The following WAS variants were observed in gnomAD, a reference collection of about 807,000 sequenced individuals.
WAS encodes the protein actin nucleation-promoting factor WAS.
A neutral mutation model predicts 38.9 loss-of-function variants in WAS; 1 was observed. The ratio of observed to expected loss-of-function variants is 0.03; its 90% CI spans 0.01 to 0.12. The LOEUF is 0.12. WAS is among the 10% of genes least tolerant of loss of function. WAS has a pLI of 1.00. For synonymous variants in WAS, 182 were observed against 173.6 expected (o/e 1.05, Z -0.38); for missense variants, 311 against 431.2 (o/e 0.72, Z 2.47).
chrX:48,688,519 A>C, intron 9 of WAS, 66 bp downstream of exon 9: 1 of 1,199,713 alleles, frequency 8.3e-7, no homozygotes, highest in East Asian at 3.0e-5. Context: ...ATACGCACTA[A>C]GTCACTCAGT....
At chrX:48,682,893 C>CA (rs782137826), upstream of WAS, among the ~76,000 whole-genome samples, 1,136 of 76,606 alleles carry the variant, frequency 0.015, 22 homozygotes, top group African/African-American at 0.05. Context: ...GACTCCATCT[C>CA]AAAAAAAAAA....
intron 6 of WAS, 84 bp downstream of exon 6, chrX:48,686,218 G>A: frequency 9.3e-7 from 1 of 1,071,467 alleles, no homozygotes; most frequent in African/African-American, 1.8e-5. Context: ...TGCGTAAGTG[G>A]GTGAATGGAT....
Position 48,685,841 on chromosome X carries a change from G to A in WAS, c.463+5G>A. 1.7e-6 allele frequency: 2 copies of A among 1,202,370 alleles called. No individual in the cohort carries two copies. The highest frequency in any genetic ancestry group is 2.2e-6 in the Non-Finnish European group (2 of 890,394). ...GGAATCAGAGGCAAAGTGGAGGTGAGGAGGCCACAGGGGAGGAAAGGAAGT... is the reference window on the plus strand; with the variant it reads ...GGAATCAGAGGCAAAGTGGAGGTGAAGAGGCCACAGGGGAGGAAAGGAAGT... On this transcript the variant is annotated splice_donor_5th_base_variant and intron_variant, in intron 4 of 11. Transcript: ENST00000376701.
chrX:48,690,549 A>C (rs2048820611), intron 11 of WAS, among the ~76,000 whole-genome samples: 1 of 105,469 alleles, frequency 9.5e-6, no homozygotes, highest in Non-Finnish European at 2.0e-5. Context: ...GTATCAACCT[A>C]CTATAGGAAC....
chrX:48,679,396 T>A (rs935463512), upstream of WAS, among the ~76,000 whole-genome samples: 1 of 112,196 alleles, frequency 8.9e-6, no homozygotes, highest in Non-Finnish European at 1.9e-5. Context: ...GTCTGCTACT[T>A]AGAAATAAGA....
In WAS at chrX:48,686,002, G is replaced by C; in HGVS notation, c.505+15G>C. ...AGCCAATGAAGGTGAGTCCTCTAGTGCAAGTAGGGGTAATAAGGGGCTAGC... is the reference window on the plus strand; with the variant it reads ...AGCCAATGAAGGTGAGTCCTCTAGTCCAAGTAGGGGTAATAAGGGGCTAGC... On this transcript the variant is annotated intron_variant, in intron 5 of 11. Transcript: ENST00000376701. 2.5e-6 allele frequency: 3 copies of C among 1,211,388 alleles called. No homozygotes were observed. The highest frequency in any genetic ancestry group is 3.4e-6 in the Non-Finnish European group (3 of 895,095).
chrX:48,678,635 C>G (rs782376598), intron 1 of WAS, among the ~76,000 whole-genome samples: 4 of 111,139 alleles, frequency 3.6e-5, no homozygotes, highest in Admixed American at 2.9e-4. Context: ...AACTGGCTTG[C>G]ATTAGACCAA....
upstream of WAS, among the ~76,000 whole-genome samples, chrX:48,682,905 G>GA (rs1192171157): frequency 1.3e-3 from 133 of 102,594 alleles, no homozygotes; most frequent in African/African-American, 2.0e-3. Context: ...AAAAAAAAAA[G>GA]AAAAAAAAAA....
chrX:48,682,541 A>G (rs1347717360), upstream of WAS, among the ~76,000 whole-genome samples: 1 of 112,470 alleles, frequency 8.9e-6, no homozygotes, highest in Non-Finnish European at 1.9e-5. Flanking sequence ...CTTCAAGTGC[A>G]ATGAAAACTA....
intron 2 of WAS, among the ~76,000 whole-genome samples, chrX:48,684,828 TTGAATATTC>T (rs2062414271): frequency 9.0e-6 from 1 of 111,701 alleles, no homozygotes; most frequent in Admixed American, 9.5e-5. Context: ...AACCCCAAAG[TTGAATATTC>T]CATTGATCCT....
intron 6 of WAS, 30 bp from the exon 7 acceptor site, chrX:48,686,751 A>C (rs2062421299): frequency 8.3e-7 from 1 of 1,207,619 alleles, no homozygotes; most frequent in Non-Finnish European, 1.1e-6. Context: ...TAAGTGGGTC[A>C]ATGAGCCAAC....
At chrX:48,678,229 C>A (rs1230470977) in intron 1 of WAS, among the ~76,000 whole-genome samples, 1 of 111,808 alleles carries the variant, frequency 8.9e-6, no homozygotes, top group African/African-American at 3.3e-5. Flanking sequence ...AACCCTCAGT[C>A]AGGGATACGG....
rs781885441 is a variant in WAS at position 48,685,722 on chromosome X, A to G, written c.361-12A>G. On this transcript the variant is annotated splice_polypyrimidine_tract_variant and intron_variant, in intron 3 of 11. Coordinates refer to ENST00000376701, the MANE Select transcript of WAS (RefSeq NM_000377.3). ...GGGACCTGGGAGGCGGCTGACCCCA[A>G]GGTATGTGCAGGACTGCCAAGCGGG... 1 of 1,174,246 alleles carries G rather than the reference A, an allele frequency of 8.5e-7. No homozygotes were observed. Among genetic ancestry groups the G allele is most frequent in the Non-Finnish European group, 1.1e-6 (1 of 876,043 alleles).
chrX:48,688,327 A>G lies in WAS; in HGVS notation c.805A>G (p.Ser269Gly). Residue 269 changes from serine (S) to glycine (G), a missense_variant, in exon 9 of 12, where the codon AGT (serine) becomes GGT (glycine). Physicochemically the swap from Ser to Gly is moderately conservative, Grantham distance 56 (BLOSUM62 0). Around this residue, in one of 4 missense-constraint regions of WAS, gnomAD observed 74 missense variants for 131.2 expected, o/e 0.56. Coordinates refer to ENST00000376701, the MANE Select transcript of WAS (RefSeq NM_000377.3). ...DVNNLDPDLR[S>G]LFSRAGISEA... ...GAACAACCTCGACCCAGATCTGCGGAGTCTGTTCTCCAGGGCAGGAATCAG... is the reference window on the plus strand; with the variant it reads ...GAACAACCTCGACCCAGATCTGCGGGGTCTGTTCTCCAGGGCAGGAATCAG... 8.3e-7 allele frequency: 1 copy of G among 1,208,198 alleles called. No individual in the cohort carries two copies. The highest frequency in any genetic ancestry group is 1.1e-6 in the Non-Finnish European group (1 of 893,745).
chrX:48,691,108 C>T lies in WAS; in HGVS notation c.1455C>T (p.Asp485=), dbSNP rs35359501. ...TCTTATCTTTCTCTTTCCCTCCAGA[C>T]GAAGGGGAGGACCAGGCTGGCGATG... The part of the protein sequence containing the change: ...QKRSRAIHSS[D]EGEDQAGDED... The change falls in exon 12 of 12, where the codon GAC becomes GAT. Residue 485 remains aspartate, a splice_region_variant and synonymous_variant. Transcript: ENST00000376701. The T allele has an allele frequency of 4.3e-5, 52 of 1,207,470 alleles. No homozygotes were observed. The African/African-American group carries it at 7.1e-4, about 16-fold the overall frequency.
Position 48,686,065 on chromosome X carries a change from C to T in WAS, c.506-16C>T. On this transcript the variant is annotated splice_polypyrimidine_tract_variant and intron_variant, in intron 5 of 11. Coordinates refer to ENST00000376701, the MANE Select transcript of WAS (RefSeq NM_000377.3). ...GGCAGGGCTGTGATAACTCTCTACA[C>T]ATTCCATCTTCCCAGAGAGAAGAGG... 8.3e-7 allele frequency: 1 copy of T among 1,211,940 alleles called. No homozygotes were observed. Among genetic ancestry groups the T allele is most frequent in the Non-Finnish European group, 1.1e-6 (1 of 895,370 alleles).
upstream of WAS, among the ~76,000 whole-genome samples, chrX:48,680,108 A>C (rs931288553): frequency 2.7e-5 from 3 of 111,742 alleles, no homozygotes; most frequent in Admixed American, 2.8e-4. Context: ...ACGGCTCCTC[A>C]GAAGAAACAA....
rs148800063 is a variant in WAS, at chrX:48,683,943, C to T, written c.90C>T (p.His30=). The T allele has an allele frequency of 9.7e-4, 1,171 of 1,209,192 alleles. No individual in the cohort carries two copies. The highest frequency in any genetic ancestry group is 2.1e-3 in the Middle Eastern group (9 of 4,373). Residue 30 remains histidine (H), a synonymous_variant, in exon 1 of 12, where the codon CAC becomes CAT. Coordinates refer to ENST00000376701, the MANE Select transcript of WAS (RefSeq NM_000377.3). ...QNIPSTLLQD[H]ENQRLFEMLG... ...TACCCTCCACCCTCCTCCAGGACCA[C>T]GAGAACCAGCGACTCTTTGAGATGC...
intron 1 of WAS, among the ~76,000 whole-genome samples, chrX:48,677,725 T>C (rs2062393895): frequency 9.0e-6 from 1 of 111,712 alleles, no homozygotes; most frequent in Non-Finnish European, 1.9e-5. Flanking sequence ...CCCTGAAGCA[T>C]CCATTTGCCC....
Sources: allele counts gnomAD v4.1 joint callset (sites outside exome capture counted in the v4.1 genomes callset), GRCh38; gene constraint gnomAD v4.1.1; regional missense constraint gnomAD v4.1.1; transcripts MANE v1.5; gene names NCBI Gene and HGNC (gene_info 2026-07-23, HGNC 2026-07-21).